The following LDLRAD3 variants were observed in gnomAD, a reference collection of about 807,000 sequenced individuals.
LDLRAD3 encodes the protein low density lipoprotein receptor class A domain containing 3.
Under a neutral mutation model 29.4 loss-of-function variants are expected in LDLRAD3, and 20 were observed. The ratio of observed to expected loss-of-function variants is 0.68; its 90% CI spans 0.48 to 0.99. The LOEUF is 0.99. Ranked by LOEUF, LDLRAD3 falls within the 50% of genes least tolerant of loss-of-function variation. The pLI is 0.00. For synonymous variants in LDLRAD3, 157 were observed against 192.7 expected (o/e 0.81, Z 1.53); for missense variants, 420 against 454.3 (o/e 0.92, Z 0.69).
chr11:35,984,756 C>T (rs567838407), intron 1 of LDLRAD3, among the ~76,000 whole-genome samples: 146 of 152,156 alleles, frequency 9.6e-4, no homozygotes, highest in Middle Eastern at 3.4e-3. Flanking sequence ...CTCAGCCTCC[C>T]GAGTAGCTGG....
chr11:36,066,617 C>T (rs763897546), intron 2 of LDLRAD3, among the ~76,000 whole-genome samples: 6 of 152,138 alleles, frequency 3.9e-5, no homozygotes, highest in Non-Finnish European at 8.8e-5. Context: ...TTTCCTAATC[C>T]CAAACTTGCT....
intron 1 of LDLRAD3, among the ~76,000 whole-genome samples, chr11:35,951,588 C>G (rs1179934354): frequency 6.6e-6 from 1 of 152,188 alleles, no homozygotes. Context: ...TCTTAAAGGG[C>G]TGGCTCTTGC....
At chr11:36,194,183 G>GTATT (rs74678928) in intron 4 of LDLRAD3, among the ~76,000 whole-genome samples, 13,402 of 152,168 alleles carry the variant, frequency 0.088, 609 homozygotes, top group East Asian at 0.19. Context: ...TTAGCCCCCT[G>GTATT]AGTTGGTATA....
chr11:36,199,142 C>T (rs188583657), intron 4 of LDLRAD3, among the ~76,000 whole-genome samples: 225 of 152,192 alleles, frequency 1.5e-3, no homozygotes, highest in African/African-American at 5.2e-3. Context: ...CCTCGTGATC[C>T]GCCCACCTTG....
At chr11:36,059,900 A>G (rs777345672) in intron 2 of LDLRAD3, among the ~76,000 whole-genome samples, 16 of 152,238 alleles carry the variant, frequency 1.1e-4, no homozygotes, top group Non-Finnish European at 1.5e-4. Flanking sequence ...CCAGTTATCA[A>G]TAGACAGTGA....
At position 35,944,151 on chromosome 11, in the gene LDLRAD3, C is replaced by CG; in HGVS notation, c.46+13dup. On this transcript the variant is annotated splice_region_variant and intron_variant, in intron 1 of 5. Coordinates refer to ENST00000315571, the MANE Select transcript of LDLRAD3 (RefSeq NM_174902.4). This position sits in a 1 kb window ranked among gnomAD's most constrained non-coding sequence, Gnocchi z 4.9. ...CTGCTGAGCAGCGCCGCGGGTGAGT[C>CG]GGGGGGCGGCCGGCGAACTTCCCGC... is the stretch of plus-strand genomic sequence containing the variant. The CG allele has an allele frequency of 9.7e-7, 1 of 1,026,972 alleles. No homozygotes were observed. The highest frequency in any genetic ancestry group is 1.2e-6 in the Non-Finnish European group (1 of 858,546). The allele number at this position is 1,026,972 out of a possible 1,614,324, so 63.6% of individuals were successfully genotyped here.
chr11:36,162,063 A>T (rs183751930), intron 4 of LDLRAD3, among the ~76,000 whole-genome samples: 61 of 152,322 alleles, frequency 4.0e-4, no homozygotes, highest in Non-Finnish European at 7.6e-4. Context: ...GGTTTTATAC[A>T]TTTACAAGTA....
chr11:36,105,874 C>T (rs1853522108), intron 4 of LDLRAD3, among the ~76,000 whole-genome samples: 1 of 152,294 alleles, frequency 6.6e-6, no homozygotes, highest in Middle Eastern at 3.4e-3. Flanking sequence ...CCAACTAATA[C>T]AGTCCCCGAG....
At position 36,229,238 on chromosome 11, in the gene LDLRAD3, C is replaced by T. The variant is rs921275208; in HGVS notation, c.879C>T (p.Tyr293=). The T allele has an allele frequency of 8.1e-6, 13 of 1,613,994 alleles. No homozygotes were observed. The highest frequency in any genetic ancestry group is 1.1e-5 in the Non-Finnish European group (13 of 1,180,012). The change falls in exon 6 of 6, where the codon TAC becomes TAT. Residue 293 remains tyrosine, a synonymous_variant. Transcript: ENST00000315571. ...ESLNQADLPP[Y]RSRSGSANSA... is the part of the protein sequence containing the mutation. ...TGAACCAAGCCGACCTGCCCCCCTACCGCTCCCGGTCCGGGAGTGCCAACA... is the reference window on the plus strand; with the variant it reads ...TGAACCAAGCCGACCTGCCCCCCTATCGCTCCCGGTCCGGGAGTGCCAACA...
Position 36,213,770 on chromosome 11 carries a change from C to T in LDLRAD3, c.455-13315C>T, listed in dbSNP as rs952092790. On this transcript the variant is annotated intron_variant, in intron 4 of 5. Coordinates refer to ENST00000315571, the MANE Select transcript of LDLRAD3 (RefSeq NM_174902.4). This position sits in a 1 kb window ranked among gnomAD's most constrained non-coding sequence, Gnocchi z 4.1. ...TTGTGGACCCAGCCAGACTCCCCTC[C>T]ATCGCATCACAGCTTGGAGGCTCTG... Among the ~76,000 whole-genome samples, 1 of 152,206 alleles carries T rather than the reference C, an allele frequency of 6.6e-6. No homozygotes were observed. The highest frequency in any genetic ancestry group is 2.4e-5 in the African/African-American group (1 of 41,450).
At chr11:36,015,201 G>A (rs1305434028) in intron 1 of LDLRAD3, among the ~76,000 whole-genome samples, 1 of 152,208 alleles carries the variant, frequency 6.6e-6, no homozygotes, top group Non-Finnish European at 1.5e-5. Flanking sequence ...GGTTTATCAG[G>A]GTGTGGCTCG....
intron 3 of LDLRAD3, 21 bp from the exon 4 acceptor site, chr11:36,098,306 T>C: frequency 6.2e-7 from 1 of 1,613,338 alleles, no homozygotes; most frequent in Non-Finnish European, 8.5e-7. Context: ...CCTGGTAATG[T>C]GCTGTGTTTT....
intron 2 of LDLRAD3, among the ~76,000 whole-genome samples, chr11:36,054,876 G>GATGA (rs1220965841): frequency 6.8e-6 from 1 of 147,798 alleles, no homozygotes; most frequent in Non-Finnish European, 1.5e-5. Context: ...TGAATGGATG[G>GATGA]ATGGATGCCT....
chr11:35,991,147 T>A (rs1215558089), intron 1 of LDLRAD3, among the ~76,000 whole-genome samples: 2 of 152,256 alleles, frequency 1.3e-5, no homozygotes, highest in Non-Finnish European at 2.9e-5. Flanking sequence ...GTTTGCAGCA[T>A]GATGCTCTTC....
At chr11:36,022,830 C>G (rs556555719) in intron 1 of LDLRAD3, among the ~76,000 whole-genome samples, 1 of 152,294 alleles carries the variant, frequency 6.6e-6, no homozygotes, top group South Asian at 2.1e-4. Context: ...CCCTTTAAAA[C>G]AGATTTACCA....
In LDLRAD3 at chr11:36,220,610, T is replaced by G. The variant is rs902401746; in HGVS notation, c.455-6475T>G. On this transcript the variant is annotated intron_variant, in intron 4 of 5. Coordinates refer to ENST00000315571, the MANE Select transcript of LDLRAD3 (RefSeq NM_174902.4). ...AAGAAAGAATTGATGCAAAGGACTA[T>G]GTAAAAATTTGTTTTTACATACTGT... Among the ~76,000 whole-genome samples, 3 of 152,234 alleles carry G rather than the reference T, an allele frequency of 2.0e-5. No homozygotes were observed. The East Asian group carries it at 5.8e-4, about 29-fold the overall frequency.
At position 36,231,188 on chromosome 11, in the gene LDLRAD3, T is replaced by C. The variant is rs1855570863; in HGVS notation, c.*1791T>C. ...AAACAGAGCCTGCAGGAAGTGGGGCTAAAGTGGCATTCAGTGATCCTGTTC... is the reference window on the plus strand; with the variant it reads ...AAACAGAGCCTGCAGGAAGTGGGGCCAAAGTGGCATTCAGTGATCCTGTTC... On this transcript the variant is annotated 3_prime_UTR_variant, in exon 6 of 6. Transcript: ENST00000315571. 1 of 152,516 alleles carries C rather than the reference T, an allele frequency of 6.6e-6. No homozygotes were observed. Among genetic ancestry groups the C allele is most frequent in the South Asian group, 2.1e-4 (1 of 4,832 alleles). 9.4% of individuals were successfully genotyped at this position (152,516 alleles called of 1,614,324 possible).
intron 2 of LDLRAD3, among the ~76,000 whole-genome samples, chr11:36,060,533 C>A (rs187851271): frequency 3.5e-5 from 5 of 141,256 alleles, no homozygotes; most frequent in African/African-American, 1.3e-4. Flanking sequence ...GATGAATTCA[C>A]ACTCATCCTT....
rs1177405511 is a variant in LDLRAD3, at chr11:36,213,958, C to A, written c.455-13127C>A. On this transcript the variant is annotated intron_variant, in intron 4 of 5. Transcript: ENST00000315571. The surrounding 1 kb of genome is among the most constrained non-coding windows in gnomAD (Gnocchi z 4.1). The stretch of plus-strand genomic sequence containing the variant: ...GAAGCAAGCTCACAGTCGCTTCACT[C>A]GGCTCAAATTTAAAACAGTCTTCAG... Among the ~76,000 whole-genome samples the A allele has an allele frequency of 6.6e-6, 1 of 152,196 alleles. No individual in the cohort carries two copies. The highest frequency in any genetic ancestry group is 1.5e-5 in the Non-Finnish European group (1 of 68,030).
Sources: allele counts gnomAD v4.1 joint callset (sites outside exome capture counted in the v4.1 genomes callset), GRCh38; gene constraint gnomAD v4.1.1; non-coding constraint Gnocchi (gnomAD v3.1); transcripts MANE v1.5; gene names NCBI Gene and HGNC (gene_info 2026-07-23, HGNC 2026-07-21).